The following PARM1 variants were observed in gnomAD, a reference collection of about 807,000 sequenced individuals.
PARM1 encodes WSC4, cell wall integrity and stress response component 4 homolog.
A neutral mutation model predicts 24.6 loss-of-function variants in PARM1; 14 were observed. The ratio of observed to expected loss-of-function variants is 0.57; its 90% CI spans 0.38 to 0.89. The LOEUF (loss-of-function observed/expected upper bound fraction) is 0.89. Among genes scored for constraint, PARM1 ranks in the 40% least tolerant of loss-of-function variants. The pLI, the probability that PARM1 is intolerant of heterozygous loss-of-function variation, is 0.00. For synonymous variants in PARM1, 179 were observed against 156.6 expected (o/e 1.14, Z -1.07); for missense variants, 362 against 380.4 (o/e 0.95, Z 0.40).
At chr4:75,026,589 T>G (rs956320205) in intron 2 of PARM1, among the ~76,000 whole-genome samples, 18 of 152,192 alleles carry the variant, frequency 1.2e-4, no homozygotes, top group Non-Finnish European at 2.2e-4. Flanking sequence ...CCAAAGCACT[T>G]CCATGGTCCC....
chr4:75,035,728 C>A (rs1034633869), intron 3 of PARM1, among the ~76,000 whole-genome samples: 4 of 152,074 alleles, frequency 2.6e-5, no homozygotes, highest in Non-Finnish European at 5.9e-5. Flanking sequence ...TGTAATATCA[C>A]CTGCGTCTAC....
intron 1 of PARM1, chr4:74,969,824 A>T (rs902187929): frequency 6.6e-6 from 1 of 152,212 alleles, no homozygotes; most frequent in Admixed American, 6.5e-5. Context: ...AGCAGATAAG[A>T]ATAAAGTAGC....
At chr4:74,989,782 C>T (rs1211801956) in intron 1 of PARM1, among the ~76,000 whole-genome samples, 2 of 152,078 alleles carry the variant, frequency 1.3e-5, no homozygotes, top group East Asian at 1.9e-4. Context: ...CCAGTCATCT[C>T]GTGAGCACAC....
intron 2 of PARM1, among the ~76,000 whole-genome samples, chr4:75,014,103 A>T (rs1722932303): frequency 6.6e-6 from 1 of 152,042 alleles, no homozygotes; most frequent in African/African-American, 2.4e-5. Flanking sequence ...TCCAGACAGA[A>T]CCCTGCATGG....
Position 74,985,876 on chromosome 4 carries a change from C to T in PARM1, c.44-26549C>T, listed in dbSNP as rs373612773. 9.2e-5 allele frequency among the ~76,000 whole-genome samples: 14 copies of T among 152,276 alleles called. No individual in the cohort carries two copies. In the East Asian group the frequency reaches 2.5e-3, roughly 27 times the overall value. On this transcript the variant is annotated intron_variant, in intron 1 of 3. Transcript: ENST00000307428. ...CTCCACCTCCCAGGTTCAAGTGATT[C>T]TCCAGCCTCAGCCTCCTGAGTAGCT...
intron 1 of PARM1, chr4:74,967,523 G>A (rs1458387642): frequency 6.6e-6 from 1 of 152,164 alleles, no homozygotes; most frequent in Admixed American, 6.5e-5. Context: ...GCCTTGCTGG[G>A]GTAAGGCCCT....
At chr4:74,967,290 T>G (rs1721924179) in intron 1 of PARM1, 1 of 152,220 alleles carries the variant, frequency 6.6e-6, no homozygotes, top group Non-Finnish European at 1.5e-5. Flanking sequence ...ATTTTGTCAT[T>G]TGGGTAATTC....
intron 1 of PARM1, among the ~76,000 whole-genome samples, chr4:74,938,988 A>C (rs904861454): frequency 6.6e-6 from 1 of 152,216 alleles, no homozygotes; most frequent in Non-Finnish European, 1.5e-5. Context: ...AAGGTTGTCC[A>C]GTCAAATTTG....
intron 3 of PARM1, among the ~76,000 whole-genome samples, chr4:75,045,914 A>G (rs968524463): frequency 6.6e-6 from 1 of 152,168 alleles, no homozygotes; most frequent in African/African-American, 2.4e-5. Context: ...GGGATCCAGA[A>G]GACAACAAGG....
intron 1 of PARM1, among the ~76,000 whole-genome samples, chr4:74,977,702 A>AG (rs1226710176): frequency 6.6e-6 from 1 of 152,210 alleles, no homozygotes; most frequent in Non-Finnish European, 1.5e-5. Flanking sequence ...AAAAAATGTT[A>AG]GGGGCAGCCA....
At position 75,046,329 on chromosome 4, in the gene PARM1, C is replaced by T. The variant is rs754061986; in HGVS notation, c.*82C>T. 131 of 871,776 alleles carry T rather than the reference C, an allele frequency of 1.5e-4. No homozygotes were observed. Among genetic ancestry groups the T allele is most frequent in the Admixed American group, 5.7e-4 (27 of 47,356 alleles). 54.0% of individuals were successfully genotyped at this position (871,776 alleles called of 1,614,324 possible). ...CAGTAGAATTAATAAGTACCTGATG[C>T]GCATTGAACGACAATCTTAAGCCCT... is the stretch of plus-strand genomic sequence containing the variant. On this transcript the variant is annotated 3_prime_UTR_variant, in exon 4 of 4. Transcript: ENST00000307428.
intron 2 of PARM1, among the ~76,000 whole-genome samples, chr4:75,026,114 G>A (rs932849637): frequency 2.0e-5 from 3 of 152,178 alleles, no homozygotes; most frequent in Non-Finnish European, 4.4e-5. Flanking sequence ...TACTTCTGTA[G>A]CATACTTTTA....
chr4:75,000,312 T>C (rs919051), intron 1 of PARM1, among the ~76,000 whole-genome samples: 31,746 of 152,164 alleles, frequency 0.21, 4,034 homozygotes, highest in East Asian at 0.35. Context: ...TTATTTATAT[T>C]GCAAGTTATG....
At chr4:74,962,778 T>C (rs1392931598) in intron 1 of PARM1, among the ~76,000 whole-genome samples, 1 of 152,218 alleles carries the variant, frequency 6.6e-6, no homozygotes, top group Non-Finnish European at 1.5e-5. Flanking sequence ...TGAAGAGTTA[T>C]TCTTTAATGG....
rs1227214298 is a variant in PARM1, at chr4:74,936,467, T to G, written c.43+3097T>G. Among the ~76,000 whole-genome samples, 24 of 150,794 alleles carry G rather than the reference T, an allele frequency of 1.6e-4. No individual in the cohort carries two copies. In the South Asian group the frequency reaches 2.1e-3, roughly 13 times the overall value. On this transcript the variant is annotated intron_variant, in intron 1 of 3. Coordinates refer to ENST00000307428, the MANE Select transcript of PARM1 (RefSeq NM_015393.4). Reference sequence around the variant, plus strand: ...TTTTTTTGTTTGTTTTTTTGTTTTTTTTTTGAGATGGAGTCTCTCTCTGTC... The same window carrying G: ...TTTTTTTGTTTGTTTTTTTGTTTTTGTTTTGAGATGGAGTCTCTCTCTGTC...
At chr4:74,994,805 T>TA (rs1012882441) in intron 1 of PARM1, among the ~76,000 whole-genome samples, 3 of 149,728 alleles carry the variant, frequency 2.0e-5, no homozygotes, top group Non-Finnish European at 4.5e-5. Context: ...AAAATATAAA[T>TA]AAATAAATAA....
At chr4:74,992,704 G>A (rs548239475) in intron 1 of PARM1, among the ~76,000 whole-genome samples, 3 of 152,272 alleles carry the variant, frequency 2.0e-5, no homozygotes, top group Admixed American at 2.0e-4. Context: ...CAGCTTTAAA[G>A]TACTGAAAGA....
chr4:75,044,807 C>T (rs570475391), intron 3 of PARM1, among the ~76,000 whole-genome samples: 90 of 152,160 alleles, frequency 5.9e-4, no homozygotes, highest in Non-Finnish European at 1.1e-3. Context: ...AAAATCATGG[C>T]GGAAGGCAAG....
intron 1 of PARM1, among the ~76,000 whole-genome samples, chr4:74,942,718 T>C (rs1721335432): frequency 6.6e-6 from 1 of 152,224 alleles, no homozygotes; most frequent in African/African-American, 2.4e-5. Context: ...AAGCCACTAC[T>C]GTCTTTCTCT....
Sources: allele counts gnomAD v4.1 joint callset (sites outside exome capture counted in the v4.1 genomes callset), GRCh38; gene constraint gnomAD v4.1.1; transcripts MANE v1.5; gene names NCBI Gene and HGNC (gene_info 2026-07-23, HGNC 2026-07-21).